Variants in PLXDC2 observed in about 807,000 individuals in gnomAD.
PLXDC2 encodes plexin domain-containing protein 2.
Under a neutral mutation model 68.9 loss-of-function variants are expected in PLXDC2, and 40 were observed. That is an observed-to-expected ratio of 0.58 (90% CI 0.45 to 0.76). The LOEUF (loss-of-function observed/expected upper bound fraction) is 0.76, where lower values mean the gene tolerates loss of function less well. Among genes scored for constraint, PLXDC2 ranks in the 30% least tolerant of loss-of-function variants. PLXDC2 has a pLI of 0.00. For synonymous variants in PLXDC2, 243 were observed against 234.2 expected (o/e 1.04, Z -0.34); for missense variants, 644 against 661.9 (o/e 0.97, Z 0.30).
chr10:20,012,922 TTATTTTCTATA>T (rs750900859), intron 2 of PLXDC2, among the ~76,000 whole-genome samples: 2 of 152,140 alleles, frequency 1.3e-5, no homozygotes, highest in Non-Finnish European at 2.9e-5. Flanking sequence ...TTGTTTTGAG[TTATTTTCTATA>T]TGTTATTTCA....
intron 1 of PLXDC2, among the ~76,000 whole-genome samples, chr10:19,841,603 G>T (rs1005304210): frequency 1.3e-4 from 16 of 126,782 alleles, no homozygotes; most frequent in Admixed American, 5.1e-4. Flanking sequence ...CATCTATTTT[G>T]GTCACTAGCT....
At chr10:20,163,065 A>G (rs73605603) in intron 6 of PLXDC2, among the ~76,000 whole-genome samples, 4,869 of 152,224 alleles carry the variant, frequency 0.032, 260 homozygotes, top group African/African-American at 0.11. Context: ...AAAAATAAAA[A>G]ATAAAAAATA....
rs200823056 is a variant in PLXDC2 at position 19,916,126 on chromosome 10, G to GTTTTTTTTTTTTTTTTTTT, written c.113-85645_113-85644insTTTTTTTTTTTTTTTTTTT. Reference sequence around the variant, plus strand: ...GGGGAAATTATGTGGAGGGAGTTGTGTTTTGTTTTGTTTTTTTTTTTTAAT... The same window carrying GTTTTTTTTTTTTTTTTTTT: ...GGGGAAATTATGTGGAGGGAGTTGTGTTTTTTTTTTTTTTTTTTTTTTTGTTTTGTTTTTTTTTTTTAAT... On this transcript the variant is annotated intron_variant, in intron 1 of 13. Coordinates refer to ENST00000377252, the MANE Select transcript of PLXDC2 (RefSeq NM_032812.9). Among the ~76,000 whole-genome samples the GTTTTTTTTTTTTTTTTTTT allele has an allele frequency of 4.0e-5, 5 of 125,706 alleles. 1 individual carries two copies. Among genetic ancestry groups the GTTTTTTTTTTTTTTTTTTT allele is most frequent in the Non-Finnish European group, 4.9e-5 (3 of 60,936 alleles). The allele number at this position is 125,706 out of a possible 152,430, so 82.5% of individuals were successfully genotyped here.
chr10:20,001,825 G>A lies in PLXDC2; in HGVS notation c.163G>A (p.Glu55Lys). ...CTTCCCTCACACAGAGGAGGAGGTG[G>A]AAGTTGATTCACACGCGTACAGCCA... is the stretch of plus-strand genomic sequence containing the variant. ...QAFPHTEEEV[E>K]VDSHAYSHRW... is the part of the protein sequence containing the mutation. Residue 55 changes from glutamate to lysine, a missense_variant, in exon 2 of 14, where the codon GAA (glutamate) becomes AAA (lysine). Physicochemically the swap from Glu to Lys is moderately conservative, Grantham distance 56. Coordinates refer to ENST00000377252, the MANE Select transcript of PLXDC2 (RefSeq NM_032812.9). 3 of 1,614,058 alleles carry A rather than the reference G, an allele frequency of 1.9e-6. No homozygotes were observed. Among genetic ancestry groups the A allele is most frequent in the South Asian group, 1.1e-5 (1 of 91,082 alleles).
chr10:20,229,424 C>A (rs1161978846), intron 12 of PLXDC2, among the ~76,000 whole-genome samples: 1 of 147,348 alleles, frequency 6.8e-6, no homozygotes, highest in Non-Finnish European at 1.5e-5. Flanking sequence ...GGTAGCATTC[C>A]TTGAGGTTGT....
intron 3 of PLXDC2, among the ~76,000 whole-genome samples, chr10:20,061,278 A>G (rs1836098409): frequency 6.6e-6 from 1 of 152,212 alleles, no homozygotes; most frequent in Admixed American, 6.5e-5. Flanking sequence ...TTCAATCTGT[A>G]AGAATTCCTC....
chr10:19,941,977 A>G (rs1357714394), intron 1 of PLXDC2, among the ~76,000 whole-genome samples: 6 of 151,244 alleles, frequency 4.0e-5, no homozygotes, highest in African/African-American at 1.2e-4. Flanking sequence ...ATTTAGAGAA[A>G]AAAAAAAAAA....
At chr10:19,817,255 G>A in intron 1 of PLXDC2, 64 bp downstream of exon 1, 2 of 1,311,612 alleles carry the variant, frequency 1.5e-6, no homozygotes, top group Non-Finnish European at 2.1e-6. Flanking sequence ...TGGCACTCTC[G>A]TGCTCCCTAC....
chr10:20,254,788 CTA>C (rs1319095297), intron 13 of PLXDC2, among the ~76,000 whole-genome samples: 1 of 152,086 alleles, frequency 6.6e-6, no homozygotes, highest in African/African-American at 2.4e-5. Flanking sequence ...AAGAGACACT[CTA>C]TGTATGTCAG....
At position 20,280,837 on chromosome 10, in the gene PLXDC2, G is replaced by T. The variant is rs955923985; in HGVS notation, c.*1018G>T. 2.0e-5 allele frequency: 3 copies of T among 151,886 alleles called. No homozygotes were observed. The highest frequency in any genetic ancestry group is 4.4e-5 in the Non-Finnish European group (3 of 67,986). The allele number at this position is 151,886 out of a possible 1,614,324, so 9.4% of individuals were successfully genotyped here. The stretch of plus-strand genomic sequence containing the variant: ...CTAAGAAGCCATTCACGTCAGCATG[G>T]CGATAGAAAGAATGAAAAAACCCTG... On this transcript the variant is annotated 3_prime_UTR_variant, in exon 14 of 14. Coordinates refer to ENST00000377252, the MANE Select transcript of PLXDC2 (RefSeq NM_032812.9).
At chr10:20,237,898 A>G (rs1190539051) in intron 12 of PLXDC2, among the ~76,000 whole-genome samples, 1 of 152,168 alleles carries the variant, frequency 6.6e-6, no homozygotes, top group East Asian at 1.9e-4. Context: ...AAAGTGAATA[A>G]AATTTCAGAC....
At chr10:20,153,971 G>A (rs1834183959) in intron 6 of PLXDC2, among the ~76,000 whole-genome samples, 1 of 151,910 alleles carries the variant, frequency 6.6e-6, no homozygotes, top group Non-Finnish European at 1.5e-5. Context: ...GGCCATTTGG[G>A]AGCAAAGGTA....
At chr10:20,102,819 A>AT (rs1182769920) in intron 4 of PLXDC2, among the ~76,000 whole-genome samples, 1 of 152,182 alleles carries the variant, frequency 6.6e-6, no homozygotes, top group Non-Finnish European at 1.5e-5. Flanking sequence ...TGGAGGTATA[A>AT]TTTTAGGAGT....
intron 1 of PLXDC2, among the ~76,000 whole-genome samples, chr10:19,913,937 A>C (rs1028637715): frequency 6.6e-6 from 1 of 152,032 alleles, no homozygotes; most frequent in African/African-American, 2.4e-5. Context: ...CACACAGACA[A>C]ACACACAGAC....
At chr10:20,278,564 A>G (rs560955296) in intron 13 of PLXDC2, among the ~76,000 whole-genome samples, 5 of 152,274 alleles carry the variant, frequency 3.3e-5, no homozygotes, top group African/African-American at 1.2e-4. Context: ...TTCTGACCAC[A>G]TAATGTTATA....
At chr10:20,181,291 G>A (rs562392941) in intron 9 of PLXDC2, among the ~76,000 whole-genome samples, 1 of 152,134 alleles carries the variant, frequency 6.6e-6, no homozygotes, top group South Asian at 2.1e-4. Context: ...ACTTAACAAT[G>A]TATAGAATGC....
rs751375187 is a variant in PLXDC2 at position 20,279,990 on chromosome 10, CA to C, written c.*177del. ...CTCAGCCCAGGAAACAAAGGGTAAACAAAAAACTAAAACTTATACAAGATAC... is the reference window on the plus strand; with the variant it reads ...CTCAGCCCAGGAAACAAAGGGTAAACAAAAACTAAAACTTATACAAGATAC... On this transcript the variant is annotated 3_prime_UTR_variant, in exon 14 of 14. Transcript: ENST00000377252. The C allele has an allele frequency of 3.4e-6, 2 of 583,392 alleles. No individual in the cohort carries two copies. The highest frequency in any genetic ancestry group is 2.8e-5 in the East Asian group (1 of 36,094). The allele number at this position is 583,392 out of a possible 1,614,324, so 36.1% of individuals were successfully genotyped here. A position where few individuals can be genotyped will look rare whatever the true frequency, so the allele number is the denominator to read the frequency against.
At chr10:19,846,283 G>A (rs1435469603) in intron 1 of PLXDC2, among the ~76,000 whole-genome samples, 1 of 152,108 alleles carries the variant, frequency 6.6e-6, no homozygotes, top group African/African-American at 2.4e-5. Flanking sequence ...AAAATAAAAG[G>A]AAAAGAGCAT....
chr10:20,246,366 TTTC>T (rs1489637906), intron 13 of PLXDC2, among the ~76,000 whole-genome samples: 14 of 152,232 alleles, frequency 9.2e-5, no homozygotes, highest in African/African-American at 2.4e-4. Flanking sequence ...TGTTTGTTTG[TTTC>T]TTGACAGTCT....
Sources: allele counts gnomAD v4.1 joint callset (sites outside exome capture counted in the v4.1 genomes callset), GRCh38; gene constraint gnomAD v4.1.1; transcripts MANE v1.5; gene names NCBI Gene and HGNC (gene_info 2026-07-23, HGNC 2026-07-21).